The following ADGRL2 variants were observed in gnomAD, a reference collection of about 807,000 sequenced individuals.
The protein encoded by ADGRL2 is adhesion G protein-coupled receptor L2.
Under a neutral mutation model 157.4 loss-of-function variants are expected in ADGRL2, and 44 were observed. The ratio of observed to expected loss-of-function variants is 0.28; its 90% CI spans 0.22 to 0.36. ADGRL2 has a LOEUF of 0.36. ADGRL2 is among the 10% of genes least tolerant of loss of function. The pLI, the probability that ADGRL2 is intolerant of heterozygous loss-of-function variation, is 1.00. For synonymous variants in ADGRL2, 585 were observed against 624.7 expected (o/e 0.94, Z 0.95); for missense variants, 1,510 against 1,768.9 (o/e 0.85, Z 2.63).
chr1:81,955,896 A>G lies in ADGRL2; in HGVS notation c.1853A>G (p.Asp618Gly). ...ATACAGGCAATTGTTGACACAGTGG[A>G]CAACCTTCTGAGACCCGAAGCTTTG... is the stretch of plus-strand genomic sequence containing the variant. ...AYLKAIVDTV[D>G]NLLRPEALES... The change falls in exon 11 of 24, where the codon GAC becomes GGC. Residue 618 changes from aspartate (D) to glycine (G), a missense_variant. By Grantham distance (94) the Asp-to-Gly change is moderately conservative (BLOSUM62 -1). Coordinates refer to ENST00000686636, the MANE Select transcript of ADGRL2 (RefSeq NM_001366006.2). 1 of 1,594,610 alleles carries G rather than the reference A, an allele frequency of 6.3e-7. No individual in the cohort carries two copies. Among genetic ancestry groups the G allele is most frequent in the South Asian group, 1.1e-5 (1 of 87,526 alleles).
chr1:81,422,763 T>C (rs577821417), intron 1 of ADGRL2, among the ~76,000 whole-genome samples: 1 of 152,344 alleles, frequency 6.6e-6, no homozygotes, highest in Admixed American at 6.5e-5. Flanking sequence ...ATAATACCTG[T>C]CTTACATATG....
In ADGRL2 at chr1:81,793,632, C is replaced by T. The variant is rs899786103; in HGVS notation, c.-101+31780C>T. ...AGCTGTAAATATTCTTAAGGAAAGA[C>T]AGTTTTCTAAATATTCAATCTAGTA... is the stretch of plus-strand genomic sequence containing the variant. On this transcript the variant is annotated intron_variant, in intron 2 of 20. Transcript: ENST00000359929. Among the ~76,000 whole-genome samples the T allele has an allele frequency of 2.6e-5, 4 of 151,930 alleles. No homozygotes were observed. In the South Asian group the frequency reaches 6.2e-4, roughly 24 times the overall value.
At chr1:81,878,728 C>T (rs955942603) in intron 2 of ADGRL2, among the ~76,000 whole-genome samples, 14 of 152,098 alleles carry the variant, frequency 9.2e-5, no homozygotes, top group Admixed American at 3.9e-4. Context: ...TGTAAAATAG[C>T]TCAATGTCAC....
intron 2 of ADGRL2, among the ~76,000 whole-genome samples, chr1:81,575,255 C>T (rs2080774829): frequency 6.6e-6 from 1 of 152,142 alleles, no homozygotes; most frequent in African/African-American, 2.4e-5. Context: ...ACGAACTTGT[C>T]TGATGAAGTA....
intron 3 of ADGRL2, among the ~76,000 whole-genome samples, chr1:81,916,402 A>T (rs1159991347): frequency 6.6e-6 from 1 of 152,168 alleles, no homozygotes; most frequent in East Asian, 1.9e-4. Flanking sequence ...AGTTGTAAAA[A>T]ATAGAAATGA....
intron 1 of ADGRL2, among the ~76,000 whole-genome samples, chr1:81,319,114 A>G (rs1163663555): frequency 7.2e-6 from 1 of 138,048 alleles, no homozygotes; most frequent in Non-Finnish European, 1.6e-5. Flanking sequence ...CTAATTTTGT[A>G]TTTTTTTTTT....
intron 3 of ADGRL2, among the ~76,000 whole-genome samples, chr1:81,927,425 G>A (rs1271205341): frequency 1.3e-5 from 2 of 151,722 alleles, no homozygotes; most frequent in African/African-American, 2.4e-5. Context: ...TTAATCACAG[G>A]TGCAATTTTA....
intron 2 of ADGRL2, among the ~76,000 whole-genome samples, chr1:81,530,515 T>A (rs1306371287): frequency 1.3e-5 from 2 of 151,820 alleles, no homozygotes; most frequent in Admixed American, 6.6e-5. Context: ...ACCAGCTAAT[T>A]GTTTTGTATT....
chr1:81,656,624 A>T (rs1280481459), intron 3 of ADGRL2, among the ~76,000 whole-genome samples: 2 of 152,112 alleles, frequency 1.3e-5, no homozygotes, highest in Admixed American at 1.3e-4. Context: ...TCCCAAAAAA[A>T]CTCTAGGTAT....
chr1:81,380,854 GA>G (rs200257616), intron 1 of ADGRL2, among the ~76,000 whole-genome samples: 4,557 of 150,124 alleles, frequency 0.03, 104 homozygotes, highest in Middle Eastern at 0.1. Context: ...TGAATGGTAG[GA>G]AAAAAAAATT....
intron 6 of ADGRL2, among the ~76,000 whole-genome samples, chr1:81,948,821 CT>C (rs1650793645): frequency 6.6e-6 from 1 of 152,204 alleles, no homozygotes; most frequent in East Asian, 1.9e-4. Context: ...AGAAGTTTCT[CT>C]TGAGGTAGAG....
intron 1 of ADGRL2, chr1:81,427,211 G>C: frequency 1.3e-6 from 1 of 797,268 alleles, no homozygotes; most frequent in Non-Finnish European, 2.3e-6. Flanking sequence ...TGGCAACTTT[G>C]GTGGAAGAGG....
chr1:81,578,315 G>T (rs1450622964), intron 2 of ADGRL2, among the ~76,000 whole-genome samples: 1 of 152,102 alleles, frequency 6.6e-6, no homozygotes, highest in Non-Finnish European at 1.5e-5. Flanking sequence ...GTTATTCATT[G>T]ATCCATGACT....
intron 2 of ADGRL2, among the ~76,000 whole-genome samples, chr1:81,789,056 A>G (rs2087198820): frequency 6.6e-6 from 1 of 152,138 alleles, no homozygotes; most frequent in Non-Finnish European, 1.5e-5. Flanking sequence ...AATTTTTAAG[A>G]GTTGACAGAT....
At chr1:81,504,917 G>A (rs1261221235) in intron 2 of ADGRL2, among the ~76,000 whole-genome samples, 3 of 152,152 alleles carry the variant, frequency 2.0e-5, no homozygotes, top group Non-Finnish European at 2.9e-5. Flanking sequence ...GGGAGCAGGC[G>A]GCTCCTGTGC....
chr1:81,336,343 C>T (rs1297606016), intron 1 of ADGRL2, among the ~76,000 whole-genome samples: 8 of 152,030 alleles, frequency 5.3e-5, no homozygotes, highest in Non-Finnish European at 1.0e-4. Flanking sequence ...CCACAGTAGC[C>T]CATTTTAACC....
chr1:81,347,470 G>T (rs1015742068), intron 1 of ADGRL2, among the ~76,000 whole-genome samples: 1 of 152,070 alleles, frequency 6.6e-6, no homozygotes, highest in Non-Finnish European at 1.5e-5. Flanking sequence ...GAGAAAAGAT[G>T]ATACTTATAA....
chr1:81,473,842 TAC>T (rs1449809848), intron 2 of ADGRL2, among the ~76,000 whole-genome samples: 2 of 152,138 alleles, frequency 1.3e-5, no homozygotes, highest in African/African-American at 4.8e-5. Flanking sequence ...TAGATGTAGA[TAC>T]AGAGCTGAAG....
At chr1:81,654,564 G>T (rs1474870568) in intron 3 of ADGRL2, among the ~76,000 whole-genome samples, 2 of 152,120 alleles carry the variant, frequency 1.3e-5, no homozygotes, top group East Asian at 3.9e-4. Flanking sequence ...ATATAATTGT[G>T]AGCTGCCAAC....
Sources: gnomAD v4.1 joint callset for allele counts (sites outside exome capture counted in the v4.1 genomes callset) on GRCh38, gnomAD v4.1.1 for gene constraint, MANE v1.5 for transcripts, NCBI Gene and HGNC (gene_info 2026-07-23, HGNC 2026-07-21) for gene names.